The following FAT4 variants were observed in gnomAD, a reference collection of about 807,000 sequenced individuals.
FAT4 encodes the protein FAT atypical cadherin 4.
FAT4 carries 84 observed loss-of-function variants against 303.9 expected under a neutral mutation model. That is an observed-to-expected ratio of 0.28 (90% confidence interval 0.23 to 0.33). The LOEUF (loss-of-function observed/expected upper bound fraction) is 0.33. Among genes scored for constraint, FAT4 ranks in the 10% least tolerant of loss-of-function variants. FAT4 has a pLI of 1.00. For missense variants in FAT4, 6,005 were observed against 6,146.8 expected, an observed-to-expected ratio of 0.98 and a Z score of 0.77; for synonymous variants, 2,307 against 2,298.8, an observed-to-expected ratio of 1.00 and a Z score of -0.10.
intron 3 of FAT4, among the ~76,000 whole-genome samples, chr4:125,401,669 C>T (rs537585765): frequency 7.2e-5 from 11 of 151,968 alleles, no homozygotes; most frequent in African/African-American, 2.6e-4. Context: ...ATTTAGATAT[C>T]ATTTGAAATG....
chr4:125,341,617 G>T (rs1382625947), intron 2 of FAT4, among the ~76,000 whole-genome samples: 1 of 151,910 alleles, frequency 6.6e-6, no homozygotes, highest in African/African-American at 2.4e-5. Context: ...TAATTCATGT[G>T]TGTTCTTCCT....
chr4:125,486,703 T>C (rs1374992492), intron 16 of FAT4, among the ~76,000 whole-genome samples: 1 of 152,122 alleles, frequency 6.6e-6, no homozygotes, highest in East Asian at 1.9e-4. Context: ...AAACCAAATA[T>C]CCTTTAGATA....
chr4:125,417,173 G>T (rs952476950), intron 7 of FAT4, among the ~76,000 whole-genome samples: 5 of 152,102 alleles, frequency 3.3e-5, no homozygotes, highest in East Asian at 1.9e-4. Flanking sequence ...AGAATGAATT[G>T]TTGCCCTATA....
At position 125,316,779 on chromosome 4, in the gene FAT4, T is replaced by A; in HGVS notation, c.368T>A (p.Val123Glu). 6.2e-7 allele frequency: 1 copy of A among 1,614,022 alleles called. No homozygotes were observed. The highest frequency in any genetic ancestry group is 8.5e-7 in the Non-Finnish European group (1 of 1,180,004). Reference protein sequence around the residue: ...SAPTYPTEVRVLVRDLNDNAP... With the variant: ...SAPTYPTEVRELVRDLNDNAP... ...CCCACCTACCCCACCGAAGTGCGAG[T>A]GCTGGTGCGGGACCTCAATGACAAC... The change falls in exon 2 of 18, where the codon GTG (valine) becomes GAG (glutamate). Residue 123 changes from valine (V) to glutamate (E), a missense_variant. Physicochemically the swap from Val to Glu is moderately radical, Grantham distance 121. Transcript: ENST00000394329. This position sits in a 1 kb window ranked among gnomAD's most constrained non-coding sequence, Gnocchi z 5.7.
chr4:125,338,969 T>C (rs1487414399), intron 2 of FAT4, among the ~76,000 whole-genome samples: 1 of 152,172 alleles, frequency 6.6e-6, no homozygotes, highest in Non-Finnish European at 1.5e-5. Flanking sequence ...TACCTTGGTC[T>C]GAGGCTGCTT....
At chr4:125,402,536 T>C (rs1440018758) in intron 3 of FAT4, among the ~76,000 whole-genome samples, 1 of 152,046 alleles carries the variant, frequency 6.6e-6, no homozygotes, top group Non-Finnish European at 1.5e-5. Flanking sequence ...AGCTGTTCCA[T>C]TATTAAATTT....
In FAT4 at chr4:125,316,254, A is replaced by T; in HGVS notation, c.-12-146A>T. ...CTACCTAGAGTCTTTTGCTGATGCT[A>T]CTTGCTTTTGCCGGACTGGAGGTTC... On this transcript the variant is annotated intron_variant, in intron 1 of 17. Coordinates refer to ENST00000394329, the MANE Select transcript of FAT4 (RefSeq NM_001291303.3). This position sits in a 1 kb window ranked among gnomAD's most constrained non-coding sequence, Gnocchi z 5.7. 1 of 962,212 alleles carries T rather than the reference A, an allele frequency of 1.0e-6. No individual in the cohort carries two copies. Among genetic ancestry groups the T allele is most frequent in the Non-Finnish European group, 1.5e-6 (1 of 648,304 alleles). The allele number at this position is 962,212 out of a possible 1,614,324, so 59.6% of individuals were successfully genotyped here. A position where few individuals can be genotyped will look rare whatever the true frequency, so the allele number is the denominator to read the frequency against.
chr4:125,477,544 C>CATAT (rs34261234), intron 14 of FAT4: 11 of 353,562 alleles, frequency 3.1e-5, no homozygotes, highest in African/African-American at 1.8e-4. Context: ...GATTCTTATA[C>CATAT]ATATATATAT....
At chr4:125,387,433 C>T (rs1430013552) in intron 2 of FAT4, among the ~76,000 whole-genome samples, 1 of 152,110 alleles carries the variant, frequency 6.6e-6, no homozygotes, top group Non-Finnish European at 1.5e-5. Context: ...TCTTATTGTA[C>T]TTGTGCCATT....
At chr4:125,394,560 T>A (rs1015600762) in intron 2 of FAT4, among the ~76,000 whole-genome samples, 1 of 152,216 alleles carries the variant, frequency 6.6e-6, no homozygotes, top group East Asian at 1.9e-4. Flanking sequence ...TTTAAAGTGA[T>A]CTAAATTGTA....
chr4:125,361,139 A>C (rs943370227), intron 2 of FAT4, among the ~76,000 whole-genome samples: 5 of 151,994 alleles, frequency 3.3e-5, no homozygotes, highest in African/African-American at 1.2e-4. Context: ...AGTTCAATTC[A>C]ATTAGCTGCA....
chr4:125,451,991 T>C lies in FAT4; in HGVS notation c.10981T>C (p.Phe3661Leu). ...CSLTSGVTSL[F>L]SIPGGTCDLN... ...CCTTACTTCAGGAGTTACCAGCCTCTTCAGTATTCCAGGGGGTACTTGTGA... is the reference window on the plus strand; with the variant it reads ...CCTTACTTCAGGAGTTACCAGCCTCCTCAGTATTCCAGGGGGTACTTGTGA... The change falls in exon 10 of 18, where the codon TTC becomes CTC. Residue 3661 changes from phenylalanine to leucine, a missense_variant. Coordinates refer to ENST00000394329, the MANE Select transcript of FAT4 (RefSeq NM_001291303.3). 6.2e-7 allele frequency: 1 copy of C among 1,614,164 alleles called. No homozygotes were observed. Among genetic ancestry groups the C allele is most frequent in the Non-Finnish European group, 8.5e-7 (1 of 1,180,012 alleles).
In FAT4 at chr4:125,320,554, A is replaced by T. The variant is rs1340560705; in HGVS notation, c.4143A>T (p.Glu1381Asp). ...TTCTTGCCAAAAAACTGGACTTTGA[A>T]ACACAGTCTTTGTATAAATTAAATA... ...SIFLAKKLDF[E>D]TQSLYKLNIT... Residue 1381 changes from glutamate (E) to aspartate (D), a missense_variant, in exon 2 of 18, where the codon GAA becomes GAT. Coordinates refer to ENST00000394329, the MANE Select transcript of FAT4 (RefSeq NM_001291303.3). The T allele has an allele frequency of 1.2e-6, 2 of 1,613,888 alleles. No individual in the cohort carries two copies. Among genetic ancestry groups the T allele is most frequent in the African/African-American group, 2.7e-5 (2 of 74,930 alleles).
chr4:125,450,124 T>C lies in FAT4; in HGVS notation c.9114T>C (p.Asn3038=). Residue 3038 remains asparagine (N), a synonymous_variant, in exon 10 of 18, where the codon AAT becomes AAC. Coordinates refer to ENST00000394329, the MANE Select transcript of FAT4 (RefSeq NM_001291303.3). ...DNHLGKFKLD[N]DTGWISVASS... The stretch of plus-strand genomic sequence containing the variant: ...ATTTAGGAAAATTTAAGTTGGACAA[T>C]GATACGGGGTGGATTTCAGTAGCAT... The C allele has an allele frequency of 6.2e-7, 1 of 1,613,776 alleles. No individual in the cohort carries two copies. The highest frequency in any genetic ancestry group is 8.5e-7 in the Non-Finnish European group (1 of 1,179,964).
At chr4:125,487,224 C>A (rs1727439268) in intron 16 of FAT4, 121 bp from the exon 17 acceptor site, 2 of 789,530 alleles carry the variant, frequency 2.5e-6, no homozygotes, top group South Asian at 2.1e-5. Context: ...CTAATACAAC[C>A]AGATTCTTCA....
intron 16 of FAT4, among the ~76,000 whole-genome samples, chr4:125,486,989 C>T (rs2068148): frequency 0.22 from 33,259 of 151,998 alleles, 4,398 homozygotes; most frequent in East Asian, 0.37. Context: ...CAGCATAACA[C>T]ACTCCAATGG....
At position 125,433,375 on chromosome 4, in the gene FAT4, A is replaced by G. The variant is rs150750107; in HGVS notation, c.7019-870A>G. On this transcript the variant is annotated intron_variant, in intron 7 of 17. Transcript: ENST00000394329. ...TTTTATTTTACATAAATGCAGTTAA[A>G]TGGATCTTCATTGTTTCTATTTAGA... is the stretch of plus-strand genomic sequence containing the variant. Among the ~76,000 whole-genome samples, 427 of 152,354 alleles carry G rather than the reference A, an allele frequency of 2.8e-3. 3 individuals are homozygous for G. Among genetic ancestry groups the G allele is most frequent in the African/African-American group, 9.8e-3 (406 of 41,586 alleles).
At chr4:125,369,830 A>T (rs1322721877) in intron 2 of FAT4, among the ~76,000 whole-genome samples, 1 of 152,142 alleles carries the variant, frequency 6.6e-6, no homozygotes, top group Non-Finnish European at 1.5e-5. Context: ...GTTCCCATGA[A>T]GTTGACTACT....
At position 125,490,012 on chromosome 4, in the gene FAT4, G is replaced by T. The variant is rs1727557925; in HGVS notation, c.13196G>T (p.Gly4399Val). ...AAAACAGATCCCTCAGTGAAGATTG[G>T]CTGCCGTGGCCCGAACATTTGTGCC... ...ISKTDPSVKIGCRGPNICASN... is the reference protein window; with the variant it reads ...ISKTDPSVKIVCRGPNICASN... Residue 4399 changes from glycine to valine, a missense_variant, in exon 18 of 18, where the codon GGC becomes GTC. Coordinates refer to ENST00000394329, the MANE Select transcript of FAT4 (RefSeq NM_001291303.3). 6.2e-7 allele frequency: 1 copy of T among 1,613,898 alleles called. No homozygotes were observed.
Sources: allele counts gnomAD v4.1 joint callset (sites outside exome capture counted in the v4.1 genomes callset), GRCh38; gene constraint gnomAD v4.1.1; non-coding constraint Gnocchi (gnomAD v3.1); transcripts MANE v1.5; gene names NCBI Gene and HGNC (gene_info 2026-07-23, HGNC 2026-07-21).